The following DAB1 variants were observed in gnomAD, a reference collection of about 807,000 sequenced individuals.
DAB1 encodes the protein DAB adaptor protein 1, also known as disabled homolog 1.
Under a neutral mutation model 64.6 loss-of-function variants are expected in DAB1, and 15 were observed. That is an observed-to-expected ratio of 0.23 (90% CI 0.16 to 0.36). The LOEUF is 0.36. Among genes scored for constraint, DAB1 ranks in the 10% least tolerant of loss-of-function variants. The pLI is 1.00. For missense variants in DAB1, 596 were observed against 706.7 expected (o/e 0.84, Z 1.78); for synonymous variants, 235 against 251.9 (o/e 0.93, Z 0.64).
chr1:57,599,121 T>A (rs939339068), intron 7 of DAB1, among the ~76,000 whole-genome samples: 1 of 151,934 alleles, frequency 6.6e-6, no homozygotes, highest in Non-Finnish European at 1.5e-5. Flanking sequence ...AAGTGAGGGT[T>A]GGTTGCATTT....
At chr1:57,490,434 T>C (rs1190638132) in intron 7 of DAB1, among the ~76,000 whole-genome samples, 1 of 152,160 alleles carries the variant, frequency 6.6e-6, no homozygotes, top group Non-Finnish European at 1.5e-5. Context: ...TATAATTTGG[T>C]GATCATAATT....
chr1:57,225,712 TAATTG>T, intron 2 of DAB1, among the ~76,000 whole-genome samples: 1 of 152,204 alleles, frequency 6.6e-6, no homozygotes, highest in East Asian at 1.9e-4. Flanking sequence ...AAAGCAAAGC[TAATTG>T]ATAGTTAATT....
rs373720405 is a variant in DAB1 at position 57,931,549 on chromosome 1, C to A, written n.388-47387G>T. Among the ~76,000 whole-genome samples the A allele has an allele frequency of 8.5e-5, 13 of 152,146 alleles. No homozygotes were observed. The East Asian group carries it at 1.3e-3, about 16-fold the overall frequency. On this transcript the variant is annotated intron_variant and non_coding_transcript_variant, in intron 5 of 20. Transcript: ENST00000485760. ...TTAACAAATATAGGCCTACTTGGAT[C>A]GATTGTGTCTTCTTGTGTGGGTTTT...
intron 5 of DAB1, among the ~76,000 whole-genome samples, chr1:57,999,058 C>T (rs1003054785): frequency 1.3e-5 from 2 of 152,190 alleles, no homozygotes; most frequent in African/African-American, 4.8e-5. Flanking sequence ...TTGTGAGCTG[C>T]TGTGAATATA....
chr1:57,370,908 A>G (rs1306015974), intron 1 of DAB1, among the ~76,000 whole-genome samples: 1 of 152,262 alleles, frequency 6.6e-6, no homozygotes, highest in Non-Finnish European at 1.5e-5. Flanking sequence ...ATACTTTTCA[A>G]TAACATTAAA....
intron 1 of DAB1, among the ~76,000 whole-genome samples, chr1:57,831,086 G>C (rs1652564608): frequency 6.6e-6 from 1 of 151,978 alleles, no homozygotes; most frequent in South Asian, 2.1e-4. Flanking sequence ...CTAATTTTTT[G>C]TATTTTTTAG....
At chr1:57,209,216 A>G (rs985334156) in intron 2 of DAB1, among the ~76,000 whole-genome samples, 9 of 152,344 alleles carry the variant, frequency 5.9e-5, no homozygotes, top group Admixed American at 3.3e-4. Context: ...GGGAAGTTGC[A>G]TTACTGCACT....
intron 1 of DAB1, among the ~76,000 whole-genome samples, chr1:58,541,293 C>CAAAAAAAAAAAAAAAAAAAA (rs71043292): frequency 7.3e-5 from 2 of 27,562 alleles, no homozygotes; most frequent in Admixed American, 8.1e-4. Context: ...GACTCTGTCT[C>CAAAAAAAAAAAAAAAAAAAA]AAAAAAAAAA....
chr1:57,092,396 A>G (rs1653768148), intron 4 of DAB1, among the ~76,000 whole-genome samples: 1 of 152,044 alleles, frequency 6.6e-6, no homozygotes, highest in African/African-American at 2.4e-5. Flanking sequence ...AAGTGATTGG[A>G]TCATGGGGGT....
At chr1:58,167,485 C>A (rs1385112430) in intron 4 of DAB1, among the ~76,000 whole-genome samples, 1 of 152,216 alleles carries the variant, frequency 6.6e-6, no homozygotes, top group Non-Finnish European at 1.5e-5. Flanking sequence ...ATGCACCAAT[C>A]AGCACTCTGT....
chr1:58,115,981 A>G (rs559621567), intron 5 of DAB1, among the ~76,000 whole-genome samples: 10 of 99,690 alleles, frequency 1.0e-4, no homozygotes, highest in South Asian at 6.7e-4. Flanking sequence ...TAAAACTTAG[A>G]GTATAAAAAA....
chr1:57,420,097 A>G (rs575533635), intron 1 of DAB1, among the ~76,000 whole-genome samples: 2 of 152,374 alleles, frequency 1.3e-5, no homozygotes, highest in South Asian at 4.1e-4. Context: ...ACAAGTGTTC[A>G]AAGTGCCTAT....
intron 7 of DAB1, among the ~76,000 whole-genome samples, chr1:57,468,682 C>G (rs1687038298): frequency 6.6e-6 from 1 of 151,894 alleles, no homozygotes; most frequent in African/African-American, 2.4e-5. Context: ...GTATCACAGC[C>G]ATCCAAGAAA....
rs370613956 is a variant in DAB1, at chr1:57,675,979, T to C, written n.552-26314A>G. 8.5e-5 allele frequency among the ~76,000 whole-genome samples: 13 copies of C among 152,270 alleles called. No individual in the cohort carries two copies. In the East Asian group the frequency reaches 1.9e-3, roughly 23 times the overall value. Reference sequence around the variant, plus strand: ...AACAGCACCCAGAAGTAGAGAACAATGCTTTAGACAATAATTCTGTGTGTG... The same window carrying C: ...AACAGCACCCAGAAGTAGAGAACAACGCTTTAGACAATAATTCTGTGTGTG... On this transcript the variant is annotated intron_variant and non_coding_transcript_variant, in intron 6 of 20. Coordinates refer to the DAB1 transcript ENST00000485760.
chr1:58,198,956 A>T (rs560125972), intron 4 of DAB1, among the ~76,000 whole-genome samples: 2 of 152,232 alleles, frequency 1.3e-5, no homozygotes, highest in African/African-American at 4.8e-5. Flanking sequence ...AAATACAAAA[A>T]ATTAGCTGGG....
At chr1:57,782,298 C>T (rs879714858) in intron 6 of DAB1, among the ~76,000 whole-genome samples, 8 of 152,122 alleles carry the variant, frequency 5.3e-5, no homozygotes, top group Non-Finnish European at 1.2e-4. Flanking sequence ...CCGTATTTTA[C>T]AGATGAAGAA....
chr1:58,315,476 A>T (rs182159949), intron 4 of DAB1, among the ~76,000 whole-genome samples: 1 of 152,142 alleles, frequency 6.6e-6, no homozygotes, highest in Non-Finnish European at 1.5e-5. Flanking sequence ...ACATTCCCTG[A>T]GCAATTTCTA....
chr1:58,224,790 C>T (rs1406166005), intron 4 of DAB1, among the ~76,000 whole-genome samples: 2 of 152,032 alleles, frequency 1.3e-5, no homozygotes, highest in South Asian at 2.1e-4. Context: ...CCCTTCCTTA[C>T]ACCTTACACA....
intron 7 of DAB1, among the ~76,000 whole-genome samples, chr1:57,502,457 A>G (rs767928960): frequency 1.3e-5 from 2 of 152,008 alleles, no homozygotes; most frequent in Non-Finnish European, 2.9e-5. Flanking sequence ...TTCCAGTTTA[A>G]CTTTCTTTCA....
Sources: gnomAD v4.1 joint callset for allele counts (sites outside exome capture counted in the v4.1 genomes callset) on GRCh38, gnomAD v4.1.1 for gene constraint, MANE v1.5 for transcripts, NCBI Gene and HGNC (gene_info 2026-07-23, HGNC 2026-07-21) for gene names.